Variants in PEAK1 observed in about 807,000 individuals in gnomAD.
PEAK1 encodes pseudopodium enriched atypical kinase 1.
In PEAK1, 54 loss-of-function variants were observed where a neutral mutation model predicts 124.7. The ratio of observed to expected loss-of-function variants is 0.43; its 90% CI spans 0.35 to 0.54. The LOEUF (loss-of-function observed/expected upper bound fraction) is 0.54. Ranked by LOEUF, PEAK1 falls within the 20% of genes least tolerant of loss-of-function variation. PEAK1 has a pLI of 0.01. For synonymous variants in PEAK1, 719 were observed against 760.0 expected, an observed-to-expected ratio of 0.95 and a Z score of 0.89; for missense variants, 2,046 against 2,134.5, an observed-to-expected ratio of 0.96 and a Z score of 0.82.
chr15:77,238,801 C>T (rs976270083), intron 6 of PEAK1, among the ~76,000 whole-genome samples: 1 of 152,116 alleles, frequency 6.6e-6, no homozygotes. Context: ...CTTGTTTTTG[C>T]ATGTCAAACA....
chr15:77,150,184 G>T (rs973218597), intron 8 of PEAK1, among the ~76,000 whole-genome samples: 1 of 152,076 alleles, frequency 6.6e-6, no homozygotes, highest in African/African-American at 2.4e-5. Context: ...ATGTCTGAAA[G>T]TACATGACTT....
At chr15:77,200,998 T>C (rs1210568312) in intron 6 of PEAK1, among the ~76,000 whole-genome samples, 1 of 152,044 alleles carries the variant, frequency 6.6e-6, no homozygotes, top group African/African-American at 2.4e-5. Context: ...CTTCATATAC[T>C]GTGATGTGAG....
Position 77,133,619 on chromosome 15 carries a change from G to A in PEAK1, c.3463C>T (p.Leu1155=). The change falls in exon 9 of 10, where the codon CTG becomes TTG. Residue 1155 remains leucine, a synonymous_variant. Transcript: ENST00000682557. The surrounding 1 kb of genome is among the most constrained non-coding windows in gnomAD (Gnocchi z 4.2). ...GCTCTTATGATCATCTTCTTTGGCAGTGGGGGTGGTGTAGGTTGGGAAGCA... is the reference window on the plus strand; with the variant it reads ...GCTCTTATGATCATCTTCTTTGGCAATGGGGGTGGTGTAGGTTGGGAAGCA... The part of the protein sequence containing the change: ...PNASQPTPPP[L]PKKMIIRANT... 3 of 1,614,180 alleles carry A rather than the reference G, an allele frequency of 1.9e-6. No individual in the cohort carries two copies. Among genetic ancestry groups the A allele is most frequent in the Non-Finnish European group, 2.5e-6 (3 of 1,180,026 alleles).
intron 6 of PEAK1, among the ~76,000 whole-genome samples, chr15:77,225,666 T>TTATATATATATATATATATATATATATA (rs55958042): frequency 2.3e-5 from 2 of 87,994 alleles, no homozygotes; most frequent in African/African-American, 3.9e-5. Context: ...TGTGTATAAT[T>TTATATATATATATATATATATATATATA]TATATATATA....
chr15:77,375,204 C>T (rs2068916968), intron 1 of PEAK1, among the ~76,000 whole-genome samples: 1 of 152,170 alleles, frequency 6.6e-6, no homozygotes, highest in Non-Finnish European at 1.5e-5. Context: ...AGGTGCTTTA[C>T]CTAAATTGTT....
intron 8 of PEAK1, among the ~76,000 whole-genome samples, chr15:77,134,846 T>C (rs934731508): frequency 6.6e-6 from 1 of 152,118 alleles, no homozygotes; most frequent in African/African-American, 2.4e-5. Flanking sequence ...CTGTTGGAAG[T>C]CTGTAGATTT....
chr15:77,132,002 AAGAC>A (rs2152739402), intron 9 of PEAK1, among the ~76,000 whole-genome samples: 1 of 152,322 alleles, frequency 6.6e-6, no homozygotes, highest in South Asian at 2.1e-4. Context: ...GCCTAAAAAA[AAGAC>A]AGAAACATGC....
At chr15:77,228,841 T>C (rs552984975) in intron 6 of PEAK1, among the ~76,000 whole-genome samples, 1 of 152,332 alleles carries the variant, frequency 6.6e-6, no homozygotes, top group South Asian at 2.1e-4. Context: ...CCCCTAAAAG[T>C]ATTGAGGACT....
intron 2 of PEAK1, chr15:77,349,316 G>A (rs2067068722): frequency 1.1e-6 from 1 of 946,752 alleles, no homozygotes; most frequent in African/African-American, 1.8e-5. Context: ...TGGGATTACA[G>A]GCGTGAGCCA....
chr15:77,243,370 A>G (rs901425981), intron 6 of PEAK1, among the ~76,000 whole-genome samples: 5 of 152,234 alleles, frequency 3.3e-5, no homozygotes, highest in African/African-American at 1.2e-4. Context: ...TTCCATGGCA[A>G]CTGCATAAAC....
intron 2 of PEAK1, among the ~76,000 whole-genome samples, chr15:77,315,656 TCAA>T (rs1369667231): frequency 2.7e-5 from 4 of 150,818 alleles, no homozygotes; most frequent in Admixed American, 1.3e-4. Flanking sequence ...AAAATAAAAA[TCAA>T]CAACAACTAT....
rs201298157 is a variant in PEAK1, at chr15:77,114,422, C to T, written c.4975G>A (p.Ala1659Thr). The T allele has an allele frequency of 5.1e-5, 82 of 1,614,112 alleles. No individual in the cohort carries two copies. Among genetic ancestry groups the T allele is most frequent in the Admixed American group, 1.5e-4 (9 of 60,020 alleles). Residue 1659 changes from alanine (A) to threonine (T), a missense_variant, in exon 10 of 10, where the codon GCC (alanine) becomes ACC (threonine). By Grantham distance (58) the Ala-to-Thr change is moderately conservative. Transcript: ENST00000682557. The stretch of plus-strand genomic sequence containing the variant: ...AGCAGACACTGGAGGATGCCTTTGG[C>T]GTCTGAAATGAGGATCCGCTCAGAA... Reference protein sequence around the residue: ...NPSERILISDAKGILQCLLWG... With the variant: ...NPSERILISDTKGILQCLLWG...
intron 6 of PEAK1, among the ~76,000 whole-genome samples, chr15:77,221,642 C>T (rs1417076837): frequency 6.6e-6 from 1 of 151,932 alleles, no homozygotes; most frequent in African/African-American, 2.4e-5. Flanking sequence ...TATGAAGCAC[C>T]TAACTGGGCA....
intron 5 of PEAK1, among the ~76,000 whole-genome samples, chr15:77,265,377 A>G (rs925655229): frequency 3.9e-5 from 6 of 152,232 alleles, no homozygotes; most frequent in African/African-American, 1.4e-4. Flanking sequence ...GCTAATATCC[A>G]GAATCTAAAG....
rs771782652 is a variant in PEAK1, at chr15:77,179,202, A to G, written c.2725T>C (p.Leu909=). ...GCCCGCCTGCTGCCTTCAGAGTGCA[A>G]AACTGATTCAGCTTCTGTTGACCTG... ...PTRSTEAESV[L]HSEGSRRAAD... The change falls in exon 7 of 10, where the codon TTG becomes CTG. Residue 909 remains leucine (L), a synonymous_variant. Transcript: ENST00000682557. 1 of 1,614,118 alleles carries G rather than the reference A, an allele frequency of 6.2e-7. No individual in the cohort carries two copies.
At chr15:77,219,092 T>A (rs189053827) in intron 6 of PEAK1, among the ~76,000 whole-genome samples, 287 of 152,274 alleles carry the variant, frequency 1.9e-3, no homozygotes, top group Non-Finnish European at 2.7e-3. Context: ...GATAACATAA[T>A]CATATCTATA....
At chr15:77,383,177 C>T (rs562833320) in intron 1 of PEAK1, among the ~76,000 whole-genome samples, 1 of 152,142 alleles carries the variant, frequency 6.6e-6, no homozygotes, top group Non-Finnish European at 1.5e-5. Flanking sequence ...GCTCCCGCCA[C>T]CACGTCCAGG....
intron 9 of PEAK1, among the ~76,000 whole-genome samples, chr15:77,123,346 G>A (rs2052087367): frequency 6.6e-6 from 1 of 152,134 alleles, no homozygotes; most frequent in African/African-American, 2.4e-5. Flanking sequence ...ATATCTCAGT[G>A]ATACTAAGCC....
chr15:77,137,727 G>C (rs2053452688), intron 8 of PEAK1, among the ~76,000 whole-genome samples: 1 of 152,170 alleles, frequency 6.6e-6, no homozygotes, highest in South Asian at 2.1e-4. Flanking sequence ...TGAGACTTTG[G>C]ACTATGGACT....
Sources: gnomAD v4.1 joint callset for allele counts (sites outside exome capture counted in the v4.1 genomes callset) on GRCh38, gnomAD v4.1.1 for gene constraint, Gnocchi (gnomAD v3.1) non-coding constraint, MANE v1.5 for transcripts, NCBI Gene and HGNC (gene_info 2026-07-23, HGNC 2026-07-21) for gene names.